The following LRP5 variants were observed in gnomAD, a reference collection of about 807,000 sequenced individuals.
The protein encoded by LRP5 is low-density lipoprotein receptor-related protein 5.
LRP5 carries 62 observed loss-of-function variants against 154.1 expected under a neutral mutation model. The observed-to-expected ratio is 0.40, with a 90% confidence interval of 0.33 to 0.50. The LOEUF (loss-of-function observed/expected upper bound fraction) is 0.50, where lower values mean the gene tolerates loss of function less well. Among genes scored for constraint, LRP5 ranks in the 20% least tolerant of loss-of-function variants. The pLI is 0.55. For missense variants in LRP5, 1,915 were observed against 2,336.7 expected, an observed-to-expected ratio of 0.82 and a Z score of 3.72; for synonymous variants, 966 against 1,011.5, an observed-to-expected ratio of 0.96 and a Z score of 0.85.
At chr11:68,367,881 T>C (rs1466517819) in intron 5 of LRP5, among the ~76,000 whole-genome samples, 2 of 152,054 alleles carry the variant, frequency 1.3e-5, no homozygotes, top group Non-Finnish European at 2.9e-5. Flanking sequence ...CTGGCCAACA[T>C]GGTGAAACTC....
At chr11:68,299,864 C>T in the LRP5 span, among the ~76,000 whole-genome samples, 4 of 148,508 alleles carry the variant, frequency 2.7e-5, no homozygotes, top group African/African-American at 4.9e-5. Context: ...ATTGCAGGCG[C>T]GAGCCATCGC....
rs775233316 is a variant in LRP5, at chr11:68,403,594, C to T, written c.1696C>T (p.Arg566Cys). The change falls in exon 8 of 23, where the codon CGC (arginine) becomes TGC (cysteine). Residue 566 changes from arginine to cysteine, a missense_variant. Physicochemically the swap from Arg to Cys is radical, Grantham distance 180. This residue lies in a region of LRP5 where 773 missense variants were observed against 1,100.9 expected (regional missense o/e 0.70). Transcript: ENST00000294304. Reference sequence around the variant, plus strand: ...CATCTACTGGACTGACTGGCAGCGCCGCAGCATCGAGCGGGTGCACAAGGT... The same window carrying T: ...CATCTACTGGACTGACTGGCAGCGCTGCAGCATCGAGCGGGTGCACAAGGT... The part of the protein sequence containing the change: ...DFIYWTDWQR[R>C]SIERVHKVKA... 7 of 1,614,170 alleles carry T rather than the reference C, an allele frequency of 4.3e-6. No individual in the cohort carries two copies. The Admixed American group carries it at 5.0e-5, about 12-fold the overall frequency.
intron 7 of LRP5, among the ~76,000 whole-genome samples, chr11:68,397,235 C>A (rs2153159395): frequency 6.6e-6 from 1 of 152,260 alleles, no homozygotes; most frequent in East Asian, 1.9e-4. Flanking sequence ...CTGCCCTGCC[C>A]TTCTCCCCTC....
At chr11:68,319,424 A>T (rs1226933351) in intron 1 of LRP5, among the ~76,000 whole-genome samples, 1 of 152,156 alleles carries the variant, frequency 6.6e-6, no homozygotes, top group Non-Finnish European at 1.5e-5. Context: ...TTTGCTGCCC[A>T]GGCTGGCCTT....
chr11:68,380,869 C>T (rs1471462491), intron 5 of LRP5, among the ~76,000 whole-genome samples: 1 of 152,252 alleles, frequency 6.6e-6, no homozygotes, highest in Non-Finnish European at 1.5e-5. Context: ...CTGAAGCGCT[C>T]CTCTTACCCT....
At chr11:68,395,992 T>A (rs571832045) in intron 7 of LRP5, among the ~76,000 whole-genome samples, 2 of 152,164 alleles carry the variant, frequency 1.3e-5, no homozygotes, top group South Asian at 4.2e-4. Context: ...TGGACCCCCA[T>A]CTCACATGAG....
chr11:68,354,815 C>G (rs566683096), intron 2 of LRP5, among the ~76,000 whole-genome samples: 4 of 152,196 alleles, frequency 2.6e-5, no homozygotes, highest in Non-Finnish European at 5.9e-5. Context: ...AATAGCAATT[C>G]CCACCTTCCC....
chr11:68,427,562 C>T (rs2098669466), intron 16 of LRP5, among the ~76,000 whole-genome samples: 1 of 152,110 alleles, frequency 6.6e-6, no homozygotes, highest in Non-Finnish European at 1.5e-5. Flanking sequence ...CGCCTGTATT[C>T]CCAGCTACTG....
In LRP5 at chr11:68,438,368, C is replaced by T. The variant is rs112323047; in HGVS notation, c.4112-78C>T. The stretch of plus-strand genomic sequence containing the variant: ...AGTGGCAAAGCCAGCCCCTTCAGGG[C>T]GCACGGTGTCTGCCCCCAAGGAGGG... On this transcript the variant is annotated intron_variant, in intron 19 of 22. Transcript: ENST00000294304. 88 of 1,328,234 alleles carry T rather than the reference C, an allele frequency of 6.6e-5. No individual in the cohort carries two copies. In the African/African-American group the frequency reaches 8.5e-4, roughly 13 times the overall value. The allele number at this position is 1,328,234 out of a possible 1,614,324, so 82.3% of individuals were successfully genotyped here. A position where few individuals can be genotyped will look rare whatever the true frequency, so the allele number is the denominator to read the frequency against.
At chr11:68,339,268 C>T (rs1165444125) in intron 1 of LRP5, among the ~76,000 whole-genome samples, 1 of 151,616 alleles carries the variant, frequency 6.6e-6, no homozygotes, top group African/African-American at 2.4e-5. Context: ...CTCCACCTCC[C>T]GGGTTCAAGT....
chr11:68,311,385 C>A (rs538920573), upstream of LRP5, among the ~76,000 whole-genome samples: 1 of 152,174 alleles, frequency 6.6e-6, no homozygotes, highest in Admixed American at 6.5e-5. Context: ...GCGCCTCCTC[C>A]GTGGATGTCT....
chr11:68,339,632 C>A (rs533575559), intron 1 of LRP5, among the ~76,000 whole-genome samples: 1 of 152,298 alleles, frequency 6.6e-6, no homozygotes, highest in East Asian at 1.9e-4. Context: ...AGGCGTGAGC[C>A]ACCATACCTG....
chr11:68,394,484 G>GT (rs150278563), intron 7 of LRP5, among the ~76,000 whole-genome samples: 10,728 of 134,574 alleles, frequency 0.08, 1,274 homozygotes, highest in African/African-American at 0.27. Flanking sequence ...TTTTTTTTTT[G>GT]AGGTGGAGTC....
At chr11:68,440,060 C>T (rs1591330542) in intron 21 of LRP5, 144 bp downstream of exon 21, 1 of 687,938 alleles carries the variant, frequency 1.5e-6, no homozygotes, top group South Asian at 2.0e-5. Flanking sequence ...CCTTTTCAAA[C>T]CCTTCTGCTT....
Position 68,421,812 on chromosome 11 carries a change from T to C in LRP5, c.3028-1677T>C, listed in dbSNP as rs1010932742. Among the ~76,000 whole-genome samples the C allele has an allele frequency of 3.0e-4, 45 of 148,926 alleles. 2 individuals carry two copies. The highest frequency in any genetic ancestry group is 3.4e-3 in the Middle Eastern group (1 of 292). ...TGTGTGTGGGGTGTGTGTGTGTGTG[T>C]GCGCGTGTGTGTGGTGTGTGGTGTG... On this transcript the variant is annotated intron_variant, in intron 13 of 22. Coordinates refer to ENST00000294304, the MANE Select transcript of LRP5 (RefSeq NM_002335.4).
intron 7 of LRP5, 125 bp downstream of exon 7, chr11:68,390,177 T>A: frequency 8.4e-7 from 1 of 1,188,152 alleles, no homozygotes; most frequent in Non-Finnish European, 1.2e-6. Flanking sequence ...ATGGAATGCT[T>A]GAGAAAATAG....
chr11:68,422,276 TAAAG>T (rs929351907), intron 13 of LRP5, among the ~76,000 whole-genome samples: 3 of 152,158 alleles, frequency 2.0e-5, no homozygotes, highest in Admixed American at 6.5e-5. Flanking sequence ...AAGACCTAGA[TAAAG>T]AAAGTCTGAA....
rs2098625989 is a variant in LRP5 at position 68,359,592 on chromosome 11, G to A, written c.686+1745G>A. Among the ~76,000 whole-genome samples, 3 of 152,304 alleles carry A rather than the reference G, an allele frequency of 2.0e-5. No individual in the cohort carries two copies. In the South Asian group the frequency reaches 6.2e-4, roughly 32 times the overall value. ...GGTGGCGGCAGCGAATCCTTCCATAGCACTTACTGTTTTCCAGGGACGTTT... is the reference window on the plus strand; with the variant it reads ...GGTGGCGGCAGCGAATCCTTCCATAACACTTACTGTTTTCCAGGGACGTTT... On this transcript the variant is annotated intron_variant, in intron 3 of 22. Transcript: ENST00000294304.
intron 7 of LRP5, among the ~76,000 whole-genome samples, chr11:68,396,578 T>A (rs571448186): frequency 1.3e-5 from 2 of 152,298 alleles, no homozygotes; most frequent in South Asian, 2.1e-4. Flanking sequence ...TGAGGTTTCA[T>A]GTAGATGGCA....
Sources: allele counts gnomAD v4.1 joint callset (sites outside exome capture counted in the v4.1 genomes callset), GRCh38; gene constraint gnomAD v4.1.1; regional missense constraint gnomAD v4.1.1; transcripts MANE v1.5; gene names NCBI Gene and HGNC (gene_info 2026-07-23, HGNC 2026-07-21).